Variants in GMDS observed in about 807,000 individuals in gnomAD.
GMDS encodes the protein GDP-mannose 4,6 dehydratase.
GMDS carries 20 observed loss-of-function variants against 49.9 expected under a neutral mutation model. The ratio of observed to expected loss-of-function variants is 0.40; its 90% CI spans 0.28 to 0.58. GMDS has a LOEUF of 0.58. Among genes scored for constraint, GMDS ranks in the 20% least tolerant of loss-of-function variants. The pLI is 0.42. For missense variants in GMDS, 362 were observed against 481.4 expected (o/e 0.75, Z 2.32); for synonymous variants, 177 against 178.6 (o/e 0.99, Z 0.07).
chr6:2,092,065 A>G (rs1773350109), intron 4 of GMDS, among the ~76,000 whole-genome samples: 1 of 152,200 alleles, frequency 6.6e-6, no homozygotes, highest in Non-Finnish European at 1.5e-5. Flanking sequence ...TACAAAAACA[A>G]TGAATTTTAC....
intron 7 of GMDS, among the ~76,000 whole-genome samples, chr6:1,919,961 A>G (rs1350549485): frequency 2.6e-5 from 4 of 152,250 alleles, no homozygotes; most frequent in African/African-American, 9.6e-5. Context: ...AACTGAAATA[A>G]CAGATACAAA....
At position 1,671,943 on chromosome 6, in the gene GMDS, G is replaced by A. The variant is rs535974743; in HGVS notation, c.988-47403C>T. Among the ~76,000 whole-genome samples, 4 of 152,186 alleles carry A rather than the reference G, an allele frequency of 2.6e-5. No individual in the cohort carries two copies. In the South Asian group the frequency reaches 8.3e-4, roughly 32 times the overall value. ...TTCCCAAATTGCTAGGATTACAGGC[G>A]TGAACCACCGCGCCTGGCCTATTTT... On this transcript the variant is annotated intron_variant, in intron 9 of 10. Transcript: ENST00000380815.
chr6:1,985,335 T>A (rs1034805695), intron 4 of GMDS, among the ~76,000 whole-genome samples: 11 of 152,014 alleles, frequency 7.2e-5, no homozygotes, highest in African/African-American at 1.9e-4. Flanking sequence ...CCATACGGGA[T>A]AAGAATACAA....
At chr6:1,856,238 T>A (rs1216982497) in intron 7 of GMDS, among the ~76,000 whole-genome samples, 1 of 152,240 alleles carries the variant, frequency 6.6e-6, no homozygotes, top group Non-Finnish European at 1.5e-5. Context: ...TCTTCTGATT[T>A]TGGTGAATAA....
At chr6:1,736,858 A>C (rs1317031345) in intron 8 of GMDS, among the ~76,000 whole-genome samples, 1 of 152,202 alleles carries the variant, frequency 6.6e-6, no homozygotes, top group Non-Finnish European at 1.5e-5. Context: ...GCTCTCCCAC[A>C]GTGAGTTTGA....
intron 2 of GMDS, among the ~76,000 whole-genome samples, chr6:2,120,991 A>G (rs1250608067): frequency 6.6e-6 from 1 of 152,202 alleles, no homozygotes; most frequent in African/African-American, 2.4e-5. Context: ...AGTATTTTCC[A>G]TATACTGTCT....
At chr6:2,117,376 G>GA (rs1774900927) in intron 3 of GMDS, 93 bp downstream of exon 3, 1 of 784,366 alleles carries the variant, frequency 1.3e-6, no homozygotes, top group African/African-American at 1.7e-5. Flanking sequence ...GTTGGGCTTT[G>GA]ACAAAAATGA....
At chr6:1,879,810 C>T (rs891313923) in intron 7 of GMDS, among the ~76,000 whole-genome samples, 2 of 152,016 alleles carry the variant, frequency 1.3e-5, no homozygotes, top group African/African-American at 2.4e-5. Context: ...GATCTGATCT[C>T]GATATCGTGT....
chr6:2,098,599 A>G (rs1451901764), intron 4 of GMDS, among the ~76,000 whole-genome samples: 1 of 152,204 alleles, frequency 6.6e-6, no homozygotes, highest in Non-Finnish European at 1.5e-5. Context: ...CAAACCCTGC[A>G]CTGAACTGAA....
chr6:2,086,726 G>A (rs1180216786), intron 4 of GMDS, among the ~76,000 whole-genome samples: 2 of 152,204 alleles, frequency 1.3e-5, no homozygotes, highest in African/African-American at 4.8e-5. Flanking sequence ...CTACGTGCTG[G>A]CAGAGAATAA....
intron 1 of GMDS, among the ~76,000 whole-genome samples, chr6:2,158,553 G>A (rs1191973370): frequency 6.6e-6 from 1 of 152,176 alleles, no homozygotes; most frequent in African/African-American, 2.4e-5. Context: ...TGTTTCAGAA[G>A]ACATCAAAAT....
At chr6:1,672,218 G>A (rs1042932071) in intron 9 of GMDS, among the ~76,000 whole-genome samples, 2 of 152,188 alleles carry the variant, frequency 1.3e-5, no homozygotes, top group African/African-American at 4.8e-5. Flanking sequence ...GGCCATTGCT[G>A]CGCCATGTTT....
intron 9 of GMDS, among the ~76,000 whole-genome samples, chr6:1,680,389 T>A (rs925062376): frequency 6.6e-6 from 1 of 152,270 alleles, no homozygotes; most frequent in East Asian, 1.9e-4. Flanking sequence ...CTGACCCCTA[T>A]CAGAATTTAA....
At chr6:1,624,794 C>A in intron 9 of GMDS, 2 of 343,006 alleles carry the variant, frequency 5.8e-6, no homozygotes, top group Non-Finnish European at 1.1e-5. Context: ...CTCCACACCT[C>A]TTCTCCCCAA....
At chr6:1,757,478 C>A (rs1026577455) in intron 7 of GMDS, among the ~76,000 whole-genome samples, 2 of 152,218 alleles carry the variant, frequency 1.3e-5, no homozygotes, top group Non-Finnish European at 2.9e-5. Flanking sequence ...TTTCTTTACA[C>A]TCATGACCAC....
chr6:2,204,605 T>C (rs773514788), intron 1 of GMDS, among the ~76,000 whole-genome samples: 6 of 152,212 alleles, frequency 3.9e-5, no homozygotes, highest in Non-Finnish European at 5.9e-5. Flanking sequence ...AGTTGTGCAA[T>C]TGCATCAGTC....
chr6:1,899,872 G>A (rs1331400841), intron 7 of GMDS, among the ~76,000 whole-genome samples: 1 of 151,286 alleles, frequency 6.6e-6, no homozygotes, highest in African/African-American at 2.4e-5. Context: ...GAACACAGTC[G>A]CCACTCTAAG....
intron 2 of GMDS, among the ~76,000 whole-genome samples, chr6:2,118,913 T>G (rs749756306): frequency 6.6e-6 from 1 of 152,164 alleles, no homozygotes; most frequent in Non-Finnish European, 1.5e-5. Flanking sequence ...TGATCTCCAA[T>G]TTTTCAGGTT....
chr6:2,206,975 G>A lies in GMDS; in HGVS notation c.102+38346C>T, dbSNP rs189234218. 4.5e-4 allele frequency among the ~76,000 whole-genome samples: 68 copies of A among 152,286 alleles called. 2 individuals carry two copies. The East Asian group carries it at 0.011, about 24-fold the overall frequency. On this transcript the variant is annotated intron_variant, in intron 1 of 10. Transcript: ENST00000380815. ...AACCACACTCCCAGAAGTCTTAGTG[G>A]TGGTATTCACAGCCATGCCATGAGG... is the stretch of plus-strand genomic sequence containing the variant.
Sources: allele counts gnomAD v4.1 joint callset (sites outside exome capture counted in the v4.1 genomes callset), GRCh38; gene constraint gnomAD v4.1.1; transcripts MANE v1.5; gene names NCBI Gene and HGNC (gene_info 2026-07-23, HGNC 2026-07-21).